LEMD3: variants seen among roughly 807,000 people sequenced by gnomAD.
LEMD3 encodes the protein LEM domain containing 3.
In LEMD3, 33 loss-of-function variants were observed where a neutral mutation model predicts 95.2. The observed-to-expected ratio is 0.35, with a 90% CI of 0.26 to 0.46. The LOEUF is 0.46. Ranked by LOEUF, LEMD3 falls within the 20% of genes least tolerant of loss-of-function variation. LEMD3 has a pLI of 1.00. For synonymous variants in LEMD3, 525 were observed against 474.6 expected (o/e 1.11, Z -1.38); for missense variants, 1,210 against 1,192.8 (o/e 1.01, Z -0.21).
chr12:65,186,915 A>G (rs1330369469), intron 1 of LEMD3, among the ~76,000 whole-genome samples: 1 of 152,078 alleles, frequency 6.6e-6, no homozygotes, highest in East Asian at 1.9e-4. Flanking sequence ...CTAAGACCAT[A>G]TGCTAGCTAG....
chr12:65,198,597 CGT>C (rs1565786007), intron 1 of LEMD3, among the ~76,000 whole-genome samples: 1 of 151,988 alleles, frequency 6.6e-6, no homozygotes, highest in African/African-American at 2.4e-5. Flanking sequence ...CCTCGGTATC[CGT>C]GGGGGATTTA....
At chr12:65,243,273 G>C (rs1870988414) in intron 9 of LEMD3, 115 bp from the exon 10 acceptor site, 1 of 717,604 alleles carries the variant, frequency 1.4e-6, no homozygotes. Flanking sequence ...TCTAACCAGG[G>C]GTCTGGCTCC....
rs553028286 is a variant in LEMD3, at chr12:65,218,568, C to G, written c.1644C>G (p.Gly548=). The change falls in exon 4 of 13, where the codon GGC becomes GGG. Residue 548 remains glycine (G), a synonymous_variant. Coordinates refer to ENST00000308330, the MANE Select transcript of LEMD3 (RefSeq NM_014319.5). ...TCTTTCCAGGAGATCATGAATGTGG[C>G]AGTTCTAGTCAAAGAACGCTTTCTG... ...LAQLAGDHEC[G]SSSQRTLSVQ... 36 of 1,604,140 alleles carry G rather than the reference C, an allele frequency of 2.2e-5. No individual in the cohort carries two copies. The African/African-American group carries it at 4.0e-4, about 18-fold the overall frequency.
At chr12:65,177,972 G>A (rs1271857781) in intron 1 of LEMD3, among the ~76,000 whole-genome samples, 1 of 151,738 alleles carries the variant, frequency 6.6e-6, no homozygotes, top group Admixed American at 6.6e-5. Context: ...AGCCTCCTGA[G>A]TAGCTGGGAC....
At chr12:65,192,028 A>G (rs558123740) in intron 1 of LEMD3, among the ~76,000 whole-genome samples, 3 of 152,072 alleles carry the variant, frequency 2.0e-5, no homozygotes, top group African/African-American at 7.2e-5. Context: ...AGTAGATCAC[A>G]GATCACTTGA....
At chr12:65,237,825 G>A (rs1259702510) in intron 4 of LEMD3, among the ~76,000 whole-genome samples, 1 of 152,128 alleles carries the variant, frequency 6.6e-6, no homozygotes, top group Non-Finnish European at 1.5e-5. Context: ...TAGTTGATAG[G>A]CTTACTGCTT....
intron 1 of LEMD3, among the ~76,000 whole-genome samples, chr12:65,178,905 A>G (rs911250578): frequency 6.6e-5 from 10 of 152,330 alleles, no homozygotes; most frequent in African/African-American, 2.2e-4. Context: ...ATAAAATCCT[A>G]GAAGTGGCAG....
chr12:65,194,472 G>A (rs111431047), intron 1 of LEMD3, among the ~76,000 whole-genome samples: 2,551 of 152,174 alleles, frequency 0.017, 30 homozygotes, highest in Middle Eastern at 0.02. Flanking sequence ...CAATCATAGC[G>A]GTGTGGAAAT....
At chr12:65,239,807 A>G (rs1870876412) in intron 6 of LEMD3, 122 bp from the exon 7 acceptor site, 2 of 663,522 alleles carry the variant, frequency 3.0e-6, no homozygotes. Context: ...TTTTAATTAT[A>G]TAGCTAATTC....
chr12:65,209,065 A>G (rs1395130189), intron 1 of LEMD3, among the ~76,000 whole-genome samples: 1 of 152,172 alleles, frequency 6.6e-6, no homozygotes, highest in Admixed American at 6.6e-5. Context: ...AGTGAAATAA[A>G]GAAGAGTGCC....
intron 1 of LEMD3, among the ~76,000 whole-genome samples, chr12:65,174,773 ATC>A (rs1308613220): frequency 2.0e-5 from 3 of 152,306 alleles, no homozygotes; most frequent in African/African-American, 7.2e-5. Flanking sequence ...GGAAGATGAA[ATC>A]TCTGTTACAG....
intron 9 of LEMD3, among the ~76,000 whole-genome samples, 163 bp downstream of exon 9, chr12:65,241,250 C>T (rs1161926011): frequency 6.6e-6 from 1 of 152,098 alleles, no homozygotes; most frequent in Non-Finnish European, 1.5e-5. Flanking sequence ...TCCTTCCACA[C>T]TTTTATCTTT....
At chr12:65,176,512 C>T (rs186357470) in intron 1 of LEMD3, among the ~76,000 whole-genome samples, 188 of 152,310 alleles carry the variant, frequency 1.2e-3, no homozygotes, top group Admixed American at 2.0e-3. Flanking sequence ...TCAAATAAGA[C>T]ATTAATTGCA....
intron 3 of LEMD3, among the ~76,000 whole-genome samples, chr12:65,218,159 TC>T (rs1246515777): frequency 2.0e-5 from 3 of 152,252 alleles, no homozygotes; most frequent in Admixed American, 6.5e-5. Flanking sequence ...CTGAATTTTT[TC>T]CCTTTTAGGA....
At chr12:65,212,154 C>A (rs1322912655) in intron 2 of LEMD3, among the ~76,000 whole-genome samples, 4 of 152,026 alleles carry the variant, frequency 2.6e-5, no homozygotes, top group African/African-American at 9.7e-5. Context: ...CTTTATAAAA[C>A]CATCAGATCT....
chr12:65,169,895 A>G lies in LEMD3; in HGVS notation c.299A>G (p.Tyr100Cys), dbSNP rs768667554. The G allele has an allele frequency of 3.4e-6, 5 of 1,450,092 alleles. No individual in the cohort carries two copies. Among genetic ancestry groups the G allele is most frequent in the Non-Finnish European group, 3.6e-6 (4 of 1,101,394 alleles). 89.8% of individuals were successfully genotyped at this position (1,450,092 alleles called of 1,614,324 possible). ...GVRPVSGDLS[Y>C]LRTPGGLCRI... ...CGGCCGGTCTCGGGCGACCTCTCCTACTTACGGACTCCTGGGGGCCTGTGC... is the reference window on the plus strand; with the variant it reads ...CGGCCGGTCTCGGGCGACCTCTCCTGCTTACGGACTCCTGGGGGCCTGTGC... Residue 100 changes from tyrosine to cysteine, a missense_variant, in exon 1 of 13, where the codon TAC (tyrosine) becomes TGC (cysteine). Physicochemically the swap from Tyr to Cys is radical, Grantham distance 194. Around this residue, in one of 2 missense-constraint regions of LEMD3, gnomAD observed 749 missense variants for 622.9 expected, o/e 1.20. Coordinates refer to ENST00000308330, the MANE Select transcript of LEMD3 (RefSeq NM_014319.5).
At chr12:65,192,519 C>A (rs1215594965) in intron 1 of LEMD3, among the ~76,000 whole-genome samples, 1 of 152,092 alleles carries the variant, frequency 6.6e-6, no homozygotes, top group Non-Finnish European at 1.5e-5. Context: ...AAAAACACAT[C>A]TTTTATACCT....
chr12:65,189,842 T>C (rs1417722876), intron 1 of LEMD3, among the ~76,000 whole-genome samples: 1 of 152,152 alleles, frequency 6.6e-6, no homozygotes, highest in African/African-American at 2.4e-5. Flanking sequence ...TTTAAAAGCC[T>C]CTCTAGGCTA....
At chr12:65,220,930 G>C (rs1432763970) in intron 4 of LEMD3, among the ~76,000 whole-genome samples, 1 of 152,222 alleles carries the variant, frequency 6.6e-6, no homozygotes, top group Admixed American at 6.5e-5. Context: ...GTCCATTTAT[G>C]TCTATTATTA....
Sources: allele counts gnomAD v4.1 joint callset (sites outside exome capture counted in the v4.1 genomes callset), GRCh38; gene constraint gnomAD v4.1.1; regional missense constraint gnomAD v4.1.1; transcripts MANE v1.5; gene names NCBI Gene and HGNC (gene_info 2026-07-23, HGNC 2026-07-21).